ZNF573: variants seen among roughly 807,000 people sequenced by gnomAD.
ZNF573 encodes zinc finger protein 573.
Under a neutral mutation model 57.4 loss-of-function variants are expected in ZNF573, and 41 were observed. The ratio of observed to expected loss-of-function variants is 0.71; its 90% CI spans 0.56 to 0.93. The LOEUF (loss-of-function observed/expected upper bound fraction) is 0.93, where lower values mean the gene tolerates loss of function less well. Among genes scored for constraint, ZNF573 ranks in the 40% least tolerant of loss-of-function variants. The pLI is 0.00. For missense variants in ZNF573, 730 were observed against 794.8 expected, an observed-to-expected ratio of 0.92 and a Z score of 0.98; for synonymous variants, 249 against 261.0, an observed-to-expected ratio of 0.95 and a Z score of 0.44.
chr19:37,777,179 AT>A (rs1371784563), intron 1 of ZNF573, among the ~76,000 whole-genome samples: 10 of 151,102 alleles, frequency 6.6e-5, no homozygotes, highest in Admixed American at 4.6e-4. Context: ...AAATTATTTT[AT>A]TTTTTTTTCA....
At chr19:37,750,734 C>A (rs1390368801) in intron 4 of ZNF573, among the ~76,000 whole-genome samples, 2 of 151,534 alleles carry the variant, frequency 1.3e-5, no homozygotes, top group Non-Finnish European at 2.9e-5. Context: ...CACCTGTAAT[C>A]CCAGCACTTT....
At chr19:37,771,481 G>A in intron 3 of ZNF573, 83 bp downstream of exon 3, 1 of 1,481,094 alleles carries the variant, frequency 6.8e-7, no homozygotes, top group South Asian at 1.3e-5. Context: ...ACTATGTCTT[G>A]AAATATGGCC....
chr19:37,769,934 C>T (rs778564911), intron 4 of ZNF573, 71 bp downstream of exon 4: 17 of 1,363,332 alleles, frequency 1.2e-5, no homozygotes, highest in African/African-American at 4.3e-5. Context: ...TCACAAACAA[C>T]ACAAAAATGT....
chr19:37,770,154 C>T, intron 3 of ZNF573, 57 bp from the exon 4 acceptor site: 2 of 1,311,850 alleles, frequency 1.5e-6, no homozygotes, highest in Non-Finnish European at 2.1e-6. Context: ...TAACAGAAAC[C>T]TTTGAGCTTT....
chr19:37,759,564 A>G (rs1022037966), intron 4 of ZNF573, among the ~76,000 whole-genome samples: 2 of 152,038 alleles, frequency 1.3e-5, no homozygotes, highest in Admixed American at 1.3e-4. Flanking sequence ...TGTTTCTACT[A>G]AAAATACAAA....
At position 37,774,661 on chromosome 19, in the gene ZNF573, C is replaced by T. The variant is rs76631060; in HGVS notation, c.-22-910G>A. ...TTAAAAATTTCAGATATACTGTCAACGGAAAATTAAGATGAGAAAACAGAA... is the reference window on the plus strand; with the variant it reads ...TTAAAAATTTCAGATATACTGTCAATGGAAAATTAAGATGAGAAAACAGAA... On this transcript the variant is annotated intron_variant, in intron 1 of 4. Coordinates refer to ENST00000536220, the MANE Select transcript of ZNF573 (RefSeq NM_001172690.2). Among the ~76,000 whole-genome samples, 447 of 152,090 alleles carry T rather than the reference C, an allele frequency of 2.9e-3. 3 individuals carry two copies. Among genetic ancestry groups the T allele is most frequent in the African/African-American group, 9.1e-3 (376 of 41,460 alleles).
intron 3 of ZNF573, among the ~76,000 whole-genome samples, chr19:37,771,358 G>A (rs1460486826): frequency 6.6e-6 from 1 of 152,080 alleles, no homozygotes; most frequent in Non-Finnish European, 1.5e-5. Context: ...TAAGGGGCAG[G>A]AGAATATGTG....
intron 4 of ZNF573, among the ~76,000 whole-genome samples, chr19:37,752,127 T>C (rs535620294): frequency 6.6e-6 from 1 of 152,110 alleles, no homozygotes; most frequent in African/African-American, 2.4e-5. Context: ...ATTAATTCAT[T>C]ATCAAAAAGG....
At chr19:37,767,945 G>A (rs2045617362) in intron 4 of ZNF573, among the ~76,000 whole-genome samples, 1 of 152,160 alleles carries the variant, frequency 6.6e-6, no homozygotes, top group Non-Finnish European at 1.5e-5. Context: ...CTTAGCAGGA[G>A]GAAGGAGATT....
At position 37,749,071 on chromosome 19, in the gene ZNF573, C is replaced by T. The variant is rs548202535; in HGVS notation, c.296-8877G>A. 4.6e-5 allele frequency among the ~76,000 whole-genome samples: 7 copies of T among 151,278 alleles called. No individual in the cohort carries two copies. In the South Asian group the frequency reaches 1.5e-3, roughly 32 times the overall value. Reference sequence around the variant, plus strand: ...CTCTATAGTAGATAAGACTACATTACTATTATAATAATATTGTGACTTTGA... The same window carrying T: ...CTCTATAGTAGATAAGACTACATTATTATTATAATAATATTGTGACTTTGA... On this transcript the variant is annotated intron_variant, in intron 4 of 4. Coordinates refer to ENST00000536220, the MANE Select transcript of ZNF573 (RefSeq NM_001172690.2).
At chr19:37,770,319 T>C in intron 3 of ZNF573, 1 of 397,034 alleles carries the variant, frequency 2.5e-6, no homozygotes, top group Non-Finnish European at 4.4e-6. Flanking sequence ...AAAATGTCTC[T>C]TTCCAAATAT....
chr19:37,748,105 A>C (rs2045399029), intron 4 of ZNF573, among the ~76,000 whole-genome samples: 1 of 152,244 alleles, frequency 6.6e-6, no homozygotes, highest in Non-Finnish European at 1.5e-5. Context: ...AAAACAAAGA[A>C]AAGCAGAAAA....
At chr19:37,750,012 G>A (rs2045417900) in intron 4 of ZNF573, among the ~76,000 whole-genome samples, 1 of 152,102 alleles carries the variant, frequency 6.6e-6, no homozygotes, top group African/African-American at 2.4e-5. Context: ...GACATTCTAA[G>A]AGGGGGTAAA....
At chr19:37,750,321 T>C (rs2145291698) in intron 4 of ZNF573, among the ~76,000 whole-genome samples, 1 of 152,254 alleles carries the variant, frequency 6.6e-6, no homozygotes, top group African/African-American at 2.4e-5. Context: ...TGACCGCAAG[T>C]GATCTGCCGG....
chr19:37,754,743 A>G (rs1599692763), intron 4 of ZNF573, among the ~76,000 whole-genome samples: 1 of 151,930 alleles, frequency 6.6e-6, no homozygotes, highest in African/African-American at 2.4e-5. Flanking sequence ...CTTAATCTTG[A>G]TATCAAAAAA....
intron 4 of ZNF573, among the ~76,000 whole-genome samples, chr19:37,751,661 A>C (rs1423857445): frequency 1.1e-4 from 13 of 113,896 alleles, no homozygotes; most frequent in Non-Finnish European, 2.1e-4. Flanking sequence ...CAGTATAGAC[A>C]GCATATATAC....
chr19:37,764,607 CTT>C (rs559596334), intron 4 of ZNF573, among the ~76,000 whole-genome samples: 11 of 138,454 alleles, frequency 7.9e-5, no homozygotes, highest in Non-Finnish European at 6.3e-5. Flanking sequence ...GCATGAGTCA[CTT>C]TTTTTTTTTT....
chr19:37,746,665 T>C (rs999905106), intron 4 of ZNF573, among the ~76,000 whole-genome samples: 6 of 152,084 alleles, frequency 3.9e-5, no homozygotes, highest in Admixed American at 3.3e-4. Context: ...CTGCAACCTC[T>C]GCCTCCCGAG....
intron 4 of ZNF573, among the ~76,000 whole-genome samples, chr19:37,744,740 C>CAAA (rs1193916273): frequency 5.2e-5 from 2 of 38,606 alleles, no homozygotes; most frequent in Non-Finnish European, 1.1e-4. Context: ...GACCCTATCT[C>CAAA]AAAAAAAAAA....
Sources: gnomAD v4.1 joint callset for allele counts (sites outside exome capture counted in the v4.1 genomes callset) on GRCh38, gnomAD v4.1.1 for gene constraint, MANE v1.5 for transcripts, NCBI Gene and HGNC (gene_info 2026-07-23, HGNC 2026-07-21) for gene names.